Variants in KATNIP observed in about 807,000 individuals in gnomAD.
KATNIP encodes the protein katanin interacting protein.
Under a neutral mutation model 174.0 loss-of-function variants are expected in KATNIP, and 126 were observed. The ratio of observed to expected loss-of-function variants is 0.72; its 90% CI spans 0.63 to 0.84. KATNIP has a LOEUF of 0.84. Ranked by LOEUF, KATNIP falls within the 40% of genes least tolerant of loss-of-function variation. The pLI, the probability that KATNIP is intolerant of heterozygous loss-of-function variation, is 0.00. For synonymous variants in KATNIP, 810 were observed against 835.7 expected (o/e 0.97, Z 0.53); for missense variants, 1,958 against 2,109.7 (o/e 0.93, Z 1.41).
intron 1 of KATNIP, among the ~76,000 whole-genome samples, chr16:27,556,992 A>G (rs2089653863): frequency 6.6e-6 from 1 of 151,726 alleles, no homozygotes; most frequent in South Asian, 2.1e-4. Context: ...TGTTTTGCTT[A>G]TTTTTCCTTA....
chr16:27,553,147 C>T lies in KATNIP; in HGVS notation c.7+2970C>T, dbSNP rs115503055. ...TGGTTTTATAACATCAGCCATTGGT[C>T]GTTTAGAAAATGTTGGTTCAGTGAG... On this transcript the variant is annotated intron_variant, in intron 1 of 27. Coordinates refer to ENST00000261588, the MANE Select transcript of KATNIP (RefSeq NM_015202.5). Among the ~76,000 whole-genome samples, 832 of 152,302 alleles carry T rather than the reference C, an allele frequency of 5.5e-3. 13 individuals carry two copies. Among genetic ancestry groups the T allele is most frequent in the African/African-American group, 0.019 (795 of 41,564 alleles).
chr16:27,614,323 C>A (rs946711756), intron 2 of KATNIP, among the ~76,000 whole-genome samples: 14 of 152,184 alleles, frequency 9.2e-5, no homozygotes, highest in Admixed American at 5.2e-4. Context: ...CCTCGCCCAG[C>A]TAATTTTTTG....
chr16:27,560,503 T>C (rs1170446026), intron 1 of KATNIP, among the ~76,000 whole-genome samples: 1 of 152,148 alleles, frequency 6.6e-6, no homozygotes, highest in Non-Finnish European at 1.5e-5. Context: ...ATTGATCATA[T>C]TGGCCTCCTT....
chr16:27,592,609 C>A (rs1387901083), intron 2 of KATNIP, among the ~76,000 whole-genome samples: 1 of 151,954 alleles, frequency 6.6e-6, no homozygotes, highest in Non-Finnish European at 1.5e-5. Context: ...TAGAGTGAGA[C>A]CCTGTCTCAA....
At chr16:27,578,055 G>T (rs969013932) in intron 2 of KATNIP, among the ~76,000 whole-genome samples, 4 of 152,138 alleles carry the variant, frequency 2.6e-5, no homozygotes, top group Non-Finnish European at 5.9e-5. Flanking sequence ...TTCCAAACCA[G>T]TTAGGTCAAA....
Position 27,681,520 on chromosome 16 carries a change from G to A in KATNIP, c.930G>A (p.Arg310=). 1 of 1,614,198 alleles carries A rather than the reference G, an allele frequency of 6.2e-7. No homozygotes were observed. The highest frequency in any genetic ancestry group is 8.5e-7 in the Non-Finnish European group (1 of 1,180,040). ...QAPAVFPDQE[R]MCSRPGSRRE... ...CTGCTGTATTCCCAGACCAGGAGAG[G>A]ATGTGCTCCAGTAAGAGTTCCGGGG... Residue 310 remains arginine (R), a synonymous_variant, in exon 8 of 28, where the codon AGG becomes AGA. Coordinates refer to ENST00000261588, the MANE Select transcript of KATNIP (RefSeq NM_015202.5).
At chr16:27,574,279 T>A (rs1449420183) in intron 2 of KATNIP, 15 of 340,140 alleles carry the variant, frequency 4.4e-5, no homozygotes, top group Non-Finnish European at 7.3e-5. Flanking sequence ...TTTGGGCTTA[T>A]CTGGGCAGTT....
chr16:27,690,365 ATAGATAGATAGATAGATAGAT>A lies in KATNIP; in HGVS notation c.941-7962_941-7942del, dbSNP rs1286406205. Among the ~76,000 whole-genome samples, 3 of 136,548 alleles carry A rather than the reference ATAGATAGATAGATAGATAGAT, an allele frequency of 2.2e-5. No homozygotes were observed. In the Admixed American group the frequency reaches 2.2e-4, roughly 10 times the overall value. 89.6% of individuals were successfully genotyped at this position (136,548 alleles called of 152,430 possible). A position where few individuals can be genotyped will look rare whatever the true frequency, so the allele number is the denominator to read the frequency against. ...AGATAGATAGATAGATAGATAGATGATAGATAGATAGATAGATAGATAGAAAAATAAATAAAAATAAAATGA... is the reference window on the plus strand; with the variant it reads ...AGATAGATAGATAGATAGATAGATGAAGAAAAATAAATAAAAATAAAATGA... On this transcript the variant is annotated intron_variant, in intron 8 of 27. Coordinates refer to ENST00000261588, the MANE Select transcript of KATNIP (RefSeq NM_015202.5).
intron 15 of KATNIP, among the ~76,000 whole-genome samples, chr16:27,747,940 G>A (rs2081353803): frequency 6.6e-6 from 1 of 152,212 alleles, no homozygotes; most frequent in Non-Finnish European, 1.5e-5. Context: ...AGGAGTGATT[G>A]GAGATTCTGG....
chr16:27,697,720 GGT>G lies in KATNIP; in HGVS notation c.941-593_941-592del, dbSNP rs374669532. On this transcript the variant is annotated intron_variant, in intron 8 of 27. Transcript: ENST00000261588. ...ACTGCAGATAAATTGATCGATAGAGGGTGTGTGTGTGTGTGTAAATATTTGAG... is the reference window on the plus strand; with the variant it reads ...ACTGCAGATAAATTGATCGATAGAGGGTGTGTGTGTGTGTAAATATTTGAG... Among the ~76,000 whole-genome samples, 36 of 151,002 alleles carry G rather than the reference GGT, an allele frequency of 2.4e-4. No individual in the cohort carries two copies. In the South Asian group the frequency reaches 4.2e-3, roughly 18 times the overall value.
At chr16:27,743,864 C>T (rs977755652) in intron 15 of KATNIP, among the ~76,000 whole-genome samples, 2 of 152,150 alleles carry the variant, frequency 1.3e-5, no homozygotes, top group African/African-American at 4.8e-5. Flanking sequence ...CCACCTGCCC[C>T]GGGAAAGCCA....
chr16:27,721,817 G>A (rs1229394646), intron 14 of KATNIP, 122 bp downstream of exon 14: 3 of 1,081,742 alleles, frequency 2.8e-6, no homozygotes, highest in Non-Finnish European at 4.0e-6. Context: ...GGCCTCGTGT[G>A]TGCAGCAAGA....
intron 1 of KATNIP, among the ~76,000 whole-genome samples, chr16:27,565,004 TC>T (rs1460686611): frequency 5.3e-5 from 8 of 151,580 alleles, no homozygotes; most frequent in Non-Finnish European, 7.4e-5. Context: ...CCTCAGGTGT[TC>T]CGCCTGCCTC....
intron 19 of KATNIP, among the ~76,000 whole-genome samples, chr16:27,765,877 T>C (rs983200801): frequency 6.6e-6 from 1 of 152,120 alleles, no homozygotes; most frequent in African/African-American, 2.4e-5. Flanking sequence ...ATCTTTTAGG[T>C]TGTTATCCTT....
chr16:27,667,089 G>T (rs375541470), intron 6 of KATNIP, among the ~76,000 whole-genome samples: 23 of 152,268 alleles, frequency 1.5e-4, no homozygotes, highest in African/African-American at 3.6e-4. Flanking sequence ...TGGAGGCCGA[G>T]GCAGGAGGAT....
rs769526476 is a variant in KATNIP at position 27,721,564 on chromosome 16, A to C, written c.1612A>C (p.Lys538Gln). The change falls in exon 14 of 28, where the codon AAA becomes CAA. Residue 538 changes from lysine (K) to glutamine (Q), a missense_variant. By Grantham distance (53) the Lys-to-Gln change is moderately conservative (BLOSUM62 1). Coordinates refer to ENST00000261588, the MANE Select transcript of KATNIP (RefSeq NM_015202.5). ...TCTCTTGCTGGCCTTCTAGGGCAAG[A>C]AAGACTCCTCCCCGTGGACCTGCCC... ...RLVNRNLAGK[K>Q]DSSPWTCPFH... 3.1e-6 allele frequency: 5 copies of C among 1,614,048 alleles called. No individual in the cohort carries two copies. Among genetic ancestry groups the C allele is most frequent in the Non-Finnish European group, 4.2e-6 (5 of 1,180,022 alleles).
At chr16:27,597,915 C>A (rs1321648989) in intron 2 of KATNIP, among the ~76,000 whole-genome samples, 2 of 152,136 alleles carry the variant, frequency 1.3e-5, no homozygotes, top group Non-Finnish European at 2.9e-5. Context: ...ACTTTGTGAG[C>A]TGCAGTTCCA....
At chr16:27,550,280 C>A in intron 1 of KATNIP, 103 bp downstream of exon 1, 1 of 1,325,228 alleles carries the variant, frequency 7.5e-7, no homozygotes, top group Non-Finnish European at 1.0e-6. Flanking sequence ...TGGACCACCA[C>A]TTCCTGACCC....
intron 6 of KATNIP, among the ~76,000 whole-genome samples, chr16:27,667,600 T>G (rs2077730487): frequency 6.6e-6 from 1 of 152,130 alleles, no homozygotes; most frequent in African/African-American, 2.4e-5. Context: ...AGGTCTGGCC[T>G]TTCTGCCTGC....
Sources: gnomAD v4.1 joint callset for allele counts (sites outside exome capture counted in the v4.1 genomes callset) on GRCh38, gnomAD v4.1.1 for gene constraint, MANE v1.5 for transcripts, NCBI Gene and HGNC (gene_info 2026-07-23, HGNC 2026-07-21) for gene names.